Variants in FAM162B observed in about 807,000 individuals in gnomAD.
The protein encoded by FAM162B is protein FAM162B.
FAM162B carries 16 observed loss-of-function variants against 20.0 expected under a neutral mutation model. The ratio of observed to expected loss-of-function variants is 0.80; its 90% CI spans 0.54 to 1.21. FAM162B has a LOEUF of 1.21. FAM162B is among the 50% of genes most tolerant of loss of function. FAM162B has a pLI of 0.00. For missense variants in FAM162B, 260 were observed against 227.5 expected (o/e 1.14, Z -0.92); for synonymous variants, 83 against 89.7 (o/e 0.93, Z 0.42).
At chr6:116,757,731 A>G (rs1316979508) in intron 3 of FAM162B, among the ~76,000 whole-genome samples, 16 of 139,256 alleles carry the variant, frequency 1.1e-4, no homozygotes, top group African/African-American at 4.1e-4. Flanking sequence ...CCTGGGTGAG[A>G]GTGAGACCCT....
chr6:116,764,211 T>C (rs1357218006), intron 2 of FAM162B, among the ~76,000 whole-genome samples: 2 of 152,184 alleles, frequency 1.3e-5, no homozygotes, highest in Admixed American at 1.3e-4. Flanking sequence ...TAGGCCCAGT[T>C]TCCATTATCC....
intron 3 of FAM162B, among the ~76,000 whole-genome samples, chr6:116,760,295 T>TA (rs1428385023): frequency 6.6e-6 from 1 of 152,246 alleles, no homozygotes; most frequent in Non-Finnish European, 1.5e-5. Context: ...AATCCCTGGC[T>TA]ATTGATTTAT....
In FAM162B at chr6:116,762,081, C is replaced by T. The variant is rs1371282378; in HGVS notation, c.286G>A (p.Glu96Lys). 1.9e-6 allele frequency: 3 copies of T among 1,570,098 alleles called. No homozygotes were observed. In the South Asian group the frequency reaches 3.5e-5, roughly 18 times the overall value. ...MEEIPPRIPP[E>K]MIDTARNKAR... The stretch of plus-strand genomic sequence containing the variant: ...TTGTTTCTTGCGGTGTCTATCATTT[C>T]TGGCCTAAACAAAGATGTGTATTTT... The change falls in exon 3 of 4, where the codon GAA becomes AAA. Residue 96 changes from glutamate to lysine, a missense_variant. Transcript: ENST00000368557.
In FAM162B at chr6:116,765,484, G is replaced by A. The variant is rs1407524715; in HGVS notation, c.93C>T (p.Pro31=). 2.1e-6 allele frequency: 3 copies of A among 1,409,986 alleles called. No homozygotes were observed. Among genetic ancestry groups the A allele is most frequent in the Admixed American group, 3.2e-5 (1 of 31,270 alleles). 87.3% of individuals were successfully genotyped at this position (1,409,986 alleles called of 1,614,324 possible). A position where few individuals can be genotyped will look rare whatever the true frequency, so the allele number is the denominator to read the frequency against. Residue 31 remains proline (P), a synonymous_variant, in exon 1 of 4, where the codon CCC becomes CCT. Coordinates refer to ENST00000368557, the MANE Select transcript of FAM162B (RefSeq NM_001085480.3). ...PGAPLEATRR[P]APALPPRGLP... is the part of the protein sequence containing the mutation. ...GACCCCGGGGCGGAAGAGCCGGTGCGGGCCGTCGCGTGGCCTCGAGAGGCG... is the reference window on the plus strand; with the variant it reads ...GACCCCGGGGCGGAAGAGCCGGTGCAGGCCGTCGCGTGGCCTCGAGAGGCG...
chr6:116,763,003 A>T (rs1771821803), intron 2 of FAM162B, among the ~76,000 whole-genome samples: 1 of 152,074 alleles, frequency 6.6e-6, no homozygotes, highest in South Asian at 2.1e-4. Flanking sequence ...AAAAAAATCC[A>T]GAAAGACAAA....
chr6:116,760,425 A>G (rs17078284), intron 3 of FAM162B, among the ~76,000 whole-genome samples: 20,782 of 152,234 alleles, frequency 0.14, 2,201 homozygotes, highest in African/African-American at 0.29. Context: ...CAACTTGCTG[A>G]TAAAATATAT....
chr6:116,762,121 A>G, intron 2 of FAM162B, 36 bp from the exon 3 acceptor site: 1 of 1,473,682 alleles, frequency 6.8e-7, no homozygotes, highest in African/African-American at 1.4e-5. Flanking sequence ...AATATGTAAA[A>G]GTAATATGGT....
At chr6:116,761,885 C>T (rs1771789043) in intron 3 of FAM162B, 92 bp downstream of exon 3, 2 of 880,522 alleles carry the variant, frequency 2.3e-6, no homozygotes, top group Non-Finnish European at 3.4e-6. Context: ...TAAGGAGGTA[C>T]TCACCCTTTT....
chr6:116,752,731 T>TAG (rs10649123), intron 3 of FAM162B, 36 bp from the exon 4 acceptor site: 71,541 of 430,754 alleles, frequency 0.17, 3,815 homozygotes, highest in Non-Finnish European at 0.18. Flanking sequence ...TATATATATA[T>TAG]ATAGATACAC....
intron 1 of FAM162B, 29 bp from the exon 2 acceptor site, chr6:116,765,284 G>T (rs759374810): frequency 1.2e-6 from 2 of 1,608,094 alleles, no homozygotes; most frequent in Non-Finnish European, 1.7e-6. Flanking sequence ...AGATGGACGC[G>T]GGAACTGACG....
At chr6:116,760,922 C>A (rs977546331) in intron 3 of FAM162B, among the ~76,000 whole-genome samples, 4 of 152,132 alleles carry the variant, frequency 2.6e-5, no homozygotes, top group Admixed American at 2.6e-4. Context: ...TAGCTAAATA[C>A]GCCCAGAGAG....
At chr6:116,760,846 G>T (rs532501732) in intron 3 of FAM162B, among the ~76,000 whole-genome samples, 17 of 152,160 alleles carry the variant, frequency 1.1e-4, no homozygotes, top group African/African-American at 4.1e-4. Context: ...GAAGTTAGTG[G>T]GCTCAGACAC....
chr6:116,759,463 G>T (rs1167717335), intron 3 of FAM162B, among the ~76,000 whole-genome samples: 4 of 151,634 alleles, frequency 2.6e-5, no homozygotes, highest in African/African-American at 9.7e-5. Context: ...ACCACGCCTG[G>T]CTAATTTTTT....
At chr6:116,756,979 AG>A (rs1219393050) in intron 3 of FAM162B, among the ~76,000 whole-genome samples, 2 of 152,200 alleles carry the variant, frequency 1.3e-5, no homozygotes, top group African/African-American at 4.8e-5. Flanking sequence ...TTTTTTGGCC[AG>A]AAAATTACAT....
chr6:116,761,667 TATAC>T (rs1277292371), intron 3 of FAM162B, among the ~76,000 whole-genome samples: 2 of 146,030 alleles, frequency 1.4e-5, no homozygotes, highest in African/African-American at 2.5e-5. Context: ...TACTTATATA[TATAC>T]TTATATATAC....
intron 3 of FAM162B, among the ~76,000 whole-genome samples, chr6:116,758,168 A>G (rs938541884): frequency 2.0e-5 from 3 of 152,206 alleles, no homozygotes; most frequent in Admixed American, 6.5e-5. Flanking sequence ...AGCAAGAATC[A>G]TTTACAATAG....
chr6:116,756,310 A>G (rs1780050377), intron 3 of FAM162B, among the ~76,000 whole-genome samples: 1 of 152,216 alleles, frequency 6.6e-6, no homozygotes, highest in South Asian at 2.1e-4. Flanking sequence ...AGTATGAGGA[A>G]GTAACTGCAG....
chr6:116,764,806 A>C (rs550820994), intron 2 of FAM162B, among the ~76,000 whole-genome samples: 5 of 152,102 alleles, frequency 3.3e-5, no homozygotes, highest in Non-Finnish European at 7.4e-5. Flanking sequence ...AGCCATCCGG[A>C]TGCTCGCGAG....
chr6:116,764,040 C>T (rs991686428), intron 2 of FAM162B, among the ~76,000 whole-genome samples: 3 of 152,098 alleles, frequency 2.0e-5, no homozygotes, highest in Admixed American at 2.0e-4. Flanking sequence ...TGACTTGCTC[C>T]AATAAAAGAA....
Sources: gnomAD v4.1 joint callset for allele counts (sites outside exome capture counted in the v4.1 genomes callset) on GRCh38, gnomAD v4.1.1 for gene constraint, MANE v1.5 for transcripts, NCBI Gene and HGNC (gene_info 2026-07-23, HGNC 2026-07-21) for gene names.